The following ZUP1 variants were observed in gnomAD, a reference collection of about 807,000 sequenced individuals.
ZUP1 encodes zinc finger-containing ubiquitin peptidase 1.
ZUP1 carries 55 observed loss-of-function variants against 68.1 expected under a neutral mutation model. The ratio of observed to expected loss-of-function variants is 0.81; its 90% CI spans 0.65 to 1.01. The LOEUF is 1.01. ZUP1 is among the 50% of genes least tolerant of loss of function. The pLI is 0.00. For synonymous variants in ZUP1, 223 were observed against 221.5 expected (o/e 1.01, Z -0.06); for missense variants, 684 against 674.9 (o/e 1.01, Z -0.15).
intron 9 of ZUP1, among the ~76,000 whole-genome samples, chr6:116,641,736 A>C (rs1273477365): frequency 1.3e-5 from 2 of 152,228 alleles, no homozygotes; most frequent in African/African-American, 4.8e-5. Flanking sequence ...AAGAGAAAGC[A>C]GAAAAGATCC....
rs565919935 is a variant in ZUP1, at chr6:116,665,574, T to C, written c.559+1060A>G. On this transcript the variant is annotated intron_variant, in intron 2 of 9. Coordinates refer to ENST00000368576, the MANE Select transcript of ZUP1 (RefSeq NM_145062.3). ...CAAAATACAGAAAAATTTTTCTTTT[T>C]TTTTTTTTTTTTTTTGGAGACAGGG... Among the ~76,000 whole-genome samples, 247 of 148,082 alleles carry C rather than the reference T, an allele frequency of 1.7e-3. 1 individual carries two copies. Among genetic ancestry groups the C allele is most frequent in the Non-Finnish European group, 2.3e-3 (152 of 66,734 alleles).
chr6:116,657,401 CAACT>C (rs1776705148), intron 4 of ZUP1, among the ~76,000 whole-genome samples: 1 of 152,256 alleles, frequency 6.6e-6, no homozygotes, highest in African/African-American at 2.4e-5. Flanking sequence ...GAGATCTAAA[CAACT>C]AACTTGCAAA....
chr6:116,640,666 C>A (rs1776068125), intron 9 of ZUP1, among the ~76,000 whole-genome samples: 1 of 151,756 alleles, frequency 6.6e-6, no homozygotes, highest in Non-Finnish European at 1.5e-5. Context: ...CCAGGCCTGC[C>A]CTAAAAGAGA....
intron 9 of ZUP1, among the ~76,000 whole-genome samples, chr6:116,642,590 T>C (rs1428892214): frequency 1.3e-5 from 2 of 152,144 alleles, no homozygotes; most frequent in Admixed American, 6.5e-5. Context: ...AAAAACCACA[T>C]GATTATCTCA....
At chr6:116,655,209 A>G (rs1409383525) in intron 5 of ZUP1, among the ~76,000 whole-genome samples, 1 of 152,198 alleles carries the variant, frequency 6.6e-6, no homozygotes, top group East Asian at 1.9e-4. Context: ...ATGTTTATCA[A>G]TATGAAAACA....
In ZUP1 at chr6:116,664,182, G is replaced by A. The variant is rs184042071; in HGVS notation, c.559+2452C>T. Among the ~76,000 whole-genome samples, 536 of 152,282 alleles carry A rather than the reference G, an allele frequency of 3.5e-3. 13 individuals carry two copies. The highest frequency in any genetic ancestry group is 0.027 in the South Asian group (132 of 4,824). ...GCGGTGGCTTACGCCTGTAATCCCA[G>A]CATTTTGGGGGGCTGAGGTAGGTGG... On this transcript the variant is annotated intron_variant, in intron 2 of 9. Transcript: ENST00000368576.
intron 2 of ZUP1, among the ~76,000 whole-genome samples, chr6:116,662,274 T>C (rs1308408171): frequency 6.6e-6 from 1 of 152,206 alleles, no homozygotes; most frequent in Admixed American, 6.5e-5. Flanking sequence ...GGCCTTTGCT[T>C]ATCGCTTTGA....
At chr6:116,662,705 CA>C (rs1164653426) in intron 2 of ZUP1, among the ~76,000 whole-genome samples, 1 of 152,156 alleles carries the variant, frequency 6.6e-6, no homozygotes, top group Admixed American at 6.5e-5. Flanking sequence ...CTGGTTGGTT[CA>C]TGACACCCCA....
At chr6:116,647,282 C>T (rs1325978206) in intron 8 of ZUP1, among the ~76,000 whole-genome samples, 177 bp downstream of exon 8, 1 of 152,130 alleles carries the variant, frequency 6.6e-6, no homozygotes, top group African/African-American at 2.4e-5. Flanking sequence ...TCACTTGAAC[C>T]TGGAAGGTGG....
chr6:116,651,201 TATA>T (rs1357814906), intron 7 of ZUP1, among the ~76,000 whole-genome samples: 1 of 152,214 alleles, frequency 6.6e-6, no homozygotes, highest in Non-Finnish European at 1.5e-5. Context: ...TACACAATTG[TATA>T]ATAAAATCTG....
intron 5 of ZUP1, among the ~76,000 whole-genome samples, chr6:116,653,458 T>G (rs1776574519): frequency 6.6e-6 from 1 of 152,040 alleles, no homozygotes; most frequent in African/African-American, 2.4e-5. Flanking sequence ...AATGGGTTTT[T>G]GTCTTTAATA....
intron 7 of ZUP1, among the ~76,000 whole-genome samples, chr6:116,648,058 G>T (rs1776368399): frequency 6.6e-6 from 1 of 152,048 alleles, no homozygotes. Context: ...GTAGCCATTG[G>T]TATATATAAA....
chr6:116,638,305 C>G (rs1293447734), intron 9 of ZUP1, among the ~76,000 whole-genome samples: 5 of 152,014 alleles, frequency 3.3e-5, no homozygotes, highest in Non-Finnish European at 7.4e-5. Context: ...ACTTGATGTG[C>G]TATCATATAG....
intron 9 of ZUP1, among the ~76,000 whole-genome samples, chr6:116,641,001 A>C (rs1057487045): frequency 1.3e-5 from 2 of 150,236 alleles, no homozygotes; most frequent in Non-Finnish European, 3.0e-5. Flanking sequence ...AAGATCTACC[A>C]AGCAAATGGA....
At chr6:116,643,001 A>C (rs1776168636) in intron 9 of ZUP1, among the ~76,000 whole-genome samples, 3 of 152,222 alleles carry the variant, frequency 2.0e-5, no homozygotes, top group Admixed American at 2.0e-4. Flanking sequence ...TCAGGATACA[A>C]AATCAACGTA....
rs544866787 is a variant in ZUP1 at position 116,662,583 on chromosome 6, C to G, written c.560-1737G>C. ...GACCCAAGCTATTACCCCTCCTATT[C>G]TCCCAATACCTACCACAATGCCCTC... On this transcript the variant is annotated intron_variant, in intron 2 of 9. Coordinates refer to ENST00000368576, the MANE Select transcript of ZUP1 (RefSeq NM_145062.3). Among the ~76,000 whole-genome samples the G allele has an allele frequency of 4.6e-5, 7 of 152,294 alleles. No homozygotes were observed. The East Asian group carries it at 7.7e-4, about 17-fold the overall frequency.
intron 7 of ZUP1, 134 bp from the exon 8 acceptor site, chr6:116,647,744 G>A (rs1365329275): frequency 1.5e-6 from 1 of 665,412 alleles, no homozygotes; most frequent in Non-Finnish European, 2.2e-6. Context: ...AAGAAGAAAA[G>A]TAAATATAAA....
At chr6:116,641,095 C>T (rs1047764152) in intron 9 of ZUP1, among the ~76,000 whole-genome samples, 7 of 148,532 alleles carry the variant, frequency 4.7e-5, no homozygotes, top group African/African-American at 1.8e-4. Flanking sequence ...ACAAAGGAGG[C>T]CATTACATAA....
rs528358120 is a variant in ZUP1 at position 116,643,135 on chromosome 6, G to A, written c.1689+2579C>T. Among the ~76,000 whole-genome samples the A allele has an allele frequency of 1.9e-3, 287 of 152,184 alleles. 8 individuals carry two copies. In the South Asian group the frequency reaches 0.058, roughly 31 times the overall value. ...CTTAGGAATCCAACTTACAAGGGAC[G>A]TGAAGGACCTCTTCAAGGAGAACTA... is the stretch of plus-strand genomic sequence containing the variant. On this transcript the variant is annotated intron_variant, in intron 9 of 9. Coordinates refer to ENST00000368576, the MANE Select transcript of ZUP1 (RefSeq NM_145062.3).
Sources: gnomAD v4.1 joint callset for allele counts (sites outside exome capture counted in the v4.1 genomes callset) on GRCh38, gnomAD v4.1.1 for gene constraint, MANE v1.5 for transcripts, NCBI Gene and HGNC (gene_info 2026-07-23, HGNC 2026-07-21) for gene names.